The following LRRC49 variants were observed in gnomAD, a reference collection of about 807,000 sequenced individuals.
LRRC49 encodes the protein leucine-rich repeat-containing protein 49.
A neutral mutation model predicts 83.3 loss-of-function variants in LRRC49; 50 were observed. That is an observed-to-expected ratio of 0.60 (90% CI 0.48 to 0.76). The LOEUF (loss-of-function observed/expected upper bound fraction) is 0.76, where lower values mean the gene tolerates loss of function less well. Among genes scored for constraint, LRRC49 ranks in the 30% least tolerant of loss-of-function variants. LRRC49 has a pLI of 0.00. For missense variants in LRRC49, 704 were observed against 809.1 expected, an observed-to-expected ratio of 0.87 and a Z score of 1.58; for synonymous variants, 286 against 283.3, an observed-to-expected ratio of 1.01 and a Z score of -0.10.
upstream of LRRC49, among the ~76,000 whole-genome samples, chr15:70,890,245 G>C (rs2033517711): frequency 6.6e-6 from 1 of 152,002 alleles, no homozygotes; most frequent in Non-Finnish European, 1.5e-5. Flanking sequence ...TATCTCTCTT[G>C]CTACACACAT....
At chr15:70,900,503 A>C (rs1218205465) in intron 3 of LRRC49, 1 of 456,838 alleles carries the variant, frequency 2.2e-6, no homozygotes, top group Non-Finnish European at 4.4e-6. Flanking sequence ...CCTTATCAGC[A>C]TTTGGAGATT....
At chr15:70,970,450 G>T (rs1159665523) in intron 9 of LRRC49, among the ~76,000 whole-genome samples, 1 of 151,786 alleles carries the variant, frequency 6.6e-6, no homozygotes, top group African/African-American at 2.4e-5. Flanking sequence ...TTTTTTTGTT[G>T]TTGTTGTGTC....
intron 1 of LRRC49, among the ~76,000 whole-genome samples, chr15:70,854,528 A>G (rs1302282280): frequency 6.6e-6 from 1 of 152,240 alleles, no homozygotes; most frequent in Non-Finnish European, 1.5e-5. Flanking sequence ...GGTGGCAGCC[A>G]GAGACCACAG....
chr15:71,027,494 C>T (rs1001785383), intron 14 of LRRC49, among the ~76,000 whole-genome samples: 3 of 152,222 alleles, frequency 2.0e-5, no homozygotes, highest in African/African-American at 7.2e-5. Context: ...TCACTGGTAG[C>T]TTGATGGGAA....
chr15:70,914,590 T>C (rs1331873606), intron 6 of LRRC49, among the ~76,000 whole-genome samples: 1 of 152,164 alleles, frequency 6.6e-6, no homozygotes, highest in Non-Finnish European at 1.5e-5. Context: ...ATTGGATAAA[T>C]ATTTAAAAAG....
At chr15:70,964,429 A>G (rs2036720717) in intron 9 of LRRC49, among the ~76,000 whole-genome samples, 1 of 152,170 alleles carries the variant, frequency 6.6e-6, no homozygotes, top group South Asian at 2.1e-4. Flanking sequence ...ACTACACCTT[A>G]GAAAATAAGG....
At position 70,854,237 on chromosome 15, in the gene LRRC49, GCGCCGCCGCCGCCGCCGC is replaced by G. The variant is rs917152667; in HGVS notation, c.-299+779_-299+796del. The G allele has an allele frequency of 7.2e-5, 28 of 387,960 alleles. 1 individual carries two copies. The highest frequency in any genetic ancestry group is 2.7e-4 in the African/African-American group (12 of 44,974). 24.0% of individuals were successfully genotyped at this position (387,960 alleles called of 1,614,324 possible). A position where few individuals can be genotyped will look rare whatever the true frequency, so the allele number is the denominator to read the frequency against. ...GACAGGGGTCGCGGCGCCCCGCCCC[GCGCCGCCGCCGCCGCCGC>G]CGCCGCCGCCACCACCCCGACCGCT... On this transcript the variant is annotated intron_variant, in intron 1 of 16. Coordinates refer to the LRRC49 transcript ENST00000544974.
At chr15:70,989,331 C>T (rs766403610) in intron 11 of LRRC49, among the ~76,000 whole-genome samples, 9 of 152,010 alleles carry the variant, frequency 5.9e-5, no homozygotes, top group Admixed American at 4.6e-4. Flanking sequence ...AGGCTTTGTT[C>T]GTTTCTATTC....
At chr15:71,021,415 C>A (rs184440961) in intron 14 of LRRC49, among the ~76,000 whole-genome samples, 1 of 151,740 alleles carries the variant, frequency 6.6e-6, no homozygotes, top group African/African-American at 2.4e-5. Flanking sequence ...TAAGGTAAGG[C>A]AAAGAGAAAA....
intron 11 of LRRC49, among the ~76,000 whole-genome samples, chr15:70,996,056 A>G (rs1458336150): frequency 1.3e-5 from 2 of 152,178 alleles, no homozygotes; most frequent in Non-Finnish European, 2.9e-5. Flanking sequence ...CTACAAATGT[A>G]TGTTTAAAGT....
At chr15:71,037,148 C>G (rs1199626896) in intron 14 of LRRC49, 31 bp from the exon 15 acceptor site, 5 of 1,516,826 alleles carry the variant, frequency 3.3e-6, no homozygotes, top group Non-Finnish European at 3.6e-6. Context: ...TGATAAGTAA[C>G]TCTCTAAATC....
chr15:71,044,113 T>G (rs2039778704), intron 15 of LRRC49, among the ~76,000 whole-genome samples: 1 of 152,230 alleles, frequency 6.6e-6, no homozygotes, highest in Non-Finnish European at 1.5e-5. Context: ...CCAGATTTAC[T>G]GAGTGCGAAA....
chr15:70,985,715 C>T (rs988356630), intron 11 of LRRC49, among the ~76,000 whole-genome samples: 2 of 151,270 alleles, frequency 1.3e-5, no homozygotes, highest in African/African-American at 4.9e-5. Flanking sequence ...ATGCCTATGT[C>T]CTGAATGGTA....
intron 7 of LRRC49, among the ~76,000 whole-genome samples, chr15:70,932,596 C>G (rs1389900323): frequency 6.6e-6 from 1 of 152,130 alleles, no homozygotes; most frequent in Non-Finnish European, 1.5e-5. Context: ...ATGTCAAAAT[C>G]TGTTCACCTT....
rs1285219152 is a variant in LRRC49, at chr15:70,892,927, C to T, written c.33C>T (p.Gly11=). 6.2e-7 allele frequency: 1 copy of T among 1,614,188 alleles called. No individual in the cohort carries two copies. The highest frequency in any genetic ancestry group is 1.7e-5 in the Admixed American group (1 of 60,028). The part of the protein sequence containing the change: MIPGKYRSVS[G]RAANNVNCGL... ...CCGGGAAATATCGCTCTGTTTCTGG[C>T]CGGGCTGCGAACAACGTAAGTTGGG... The change falls in exon 1 of 16, where the codon GGC becomes GGT. Residue 11 remains glycine (G), a synonymous_variant. Coordinates refer to ENST00000260382, the MANE Select transcript of LRRC49 (RefSeq NM_017691.5).
At position 70,895,908 on chromosome 15, in the gene LRRC49, C is replaced by G. The variant is rs2033817142; in HGVS notation, c.165C>G (p.Asp55Glu). Residue 55 changes from aspartate (D) to glutamate (E), a missense_variant, in exon 3 of 16, where the codon GAC (aspartate) becomes GAG (glutamate). Asp to Glu is a conservative substitution (Grantham distance 45). Around this residue, in one of 3 missense-constraint regions of LRRC49, gnomAD observed 261 missense variants for 330.5 expected, o/e 0.79. Transcript: ENST00000260382. ...TCCCCGGTAGACTTTTACAACATGACCTTGAAAGAAACTACTCAAGTAGGC... is the reference window on the plus strand; with the variant it reads ...TCCCCGGTAGACTTTTACAACATGAGCTTGAAAGAAACTACTCAAGTAGGC... The part of the protein sequence containing the change: ...SSFPGRLLQH[D>E]LERNYSSRQG... 1 of 1,609,406 alleles carries G rather than the reference C, an allele frequency of 6.2e-7. No individual in the cohort carries two copies. Among genetic ancestry groups the G allele is most frequent in the Non-Finnish European group, 8.5e-7 (1 of 1,177,454 alleles).
intron 15 of LRRC49, among the ~76,000 whole-genome samples, chr15:71,042,933 G>A (rs2039740946): frequency 6.6e-6 from 1 of 152,158 alleles, no homozygotes; most frequent in Non-Finnish European, 1.5e-5. Flanking sequence ...CCTTGGACAC[G>A]TTCACAGTAT....
chr15:70,859,352 C>T, intron 1 of LRRC49: 1 of 775,646 alleles, frequency 1.3e-6, no homozygotes. Flanking sequence ...GGAGTCTTGC[C>T]TGGAAGGGCT....
chr15:71,044,022 T>C (rs1235453409), intron 15 of LRRC49, among the ~76,000 whole-genome samples: 1 of 152,238 alleles, frequency 6.6e-6, no homozygotes, highest in Non-Finnish European at 1.5e-5. Context: ...GTAAATGCAT[T>C]GCTTGTAAAA....
Sources: gnomAD v4.1 joint callset for allele counts (sites outside exome capture counted in the v4.1 genomes callset) on GRCh38, gnomAD v4.1.1 for gene constraint, gnomAD v4.1.1 regional missense constraint, MANE v1.5 for transcripts, NCBI Gene and HGNC (gene_info 2026-07-23, HGNC 2026-07-21) for gene names.